Variants in ABCB1 observed in about 807,000 individuals in gnomAD.
ABCB1 encodes the protein ATP binding cassette subfamily B member 1.
Under a neutral mutation model 142.0 loss-of-function variants are expected in ABCB1, and 69 were observed. The ratio of observed to expected loss-of-function variants is 0.49; its 90% CI spans 0.40 to 0.59. ABCB1 has a LOEUF of 0.59. Among genes scored for constraint, ABCB1 ranks in the 20% least tolerant of loss-of-function variants. The probability of loss-of-function intolerance (pLI) is 0.00; values close to 1 mark genes in which losing one functional copy is unlikely to be tolerated. For synonymous variants in ABCB1, 532 were observed against 539.2 expected (o/e 0.99, Z 0.18); for missense variants, 1,326 against 1,554.7 (o/e 0.85, Z 2.47).
chr7:87,506,577 A>G (rs1814759915), intron 26 of ABCB1, among the ~76,000 whole-genome samples: 1 of 152,162 alleles, frequency 6.6e-6, no homozygotes. Flanking sequence ...TTTGATATCT[A>G]ACTTTGAAAA....
At chr7:87,700,637 C>A in intron 1 of ABCB1, 1 of 1,273,616 alleles carries the variant, frequency 7.9e-7, no homozygotes, top group Non-Finnish European at 1.1e-6. Context: ...AAGCTACTTA[C>A]TATGAATTTC....
intron 4 of ABCB1, among the ~76,000 whole-genome samples, chr7:87,570,716 G>T (rs1447006189): frequency 6.6e-6 from 1 of 151,994 alleles, no homozygotes; most frequent in East Asian, 1.9e-4. Flanking sequence ...AACATTTTTG[G>T]ATAAAAAGTA....
At chr7:87,656,800 C>G (rs990965513) in intron 1 of ABCB1, among the ~76,000 whole-genome samples, 1 of 152,126 alleles carries the variant, frequency 6.6e-6, no homozygotes. Flanking sequence ...TTATCCATCA[C>G]TAAGCTACTT....
At chr7:87,669,399 G>A (rs1256028085) in intron 1 of ABCB1, among the ~76,000 whole-genome samples, 1 of 152,154 alleles carries the variant, frequency 6.6e-6, no homozygotes, top group African/African-American at 2.4e-5. Flanking sequence ...CTTGAACACA[G>A]CATACCATTG....
At chr7:87,623,014 T>C (rs937025860) in intron 1 of ABCB1, among the ~76,000 whole-genome samples, 2 of 152,262 alleles carry the variant, frequency 1.3e-5, no homozygotes, top group Non-Finnish European at 2.9e-5. Flanking sequence ...CTGTACTCCA[T>C]CTTGGGCCAC....
intron 1 of ABCB1, among the ~76,000 whole-genome samples, chr7:87,606,328 G>C (rs1323040763): frequency 4.6e-5 from 7 of 152,032 alleles, no homozygotes; most frequent in African/African-American, 1.7e-4. Flanking sequence ...AAACAAGTAG[G>C]AGTTGAAAAT....
At chr7:87,514,185 T>G (rs775293852) in intron 25 of ABCB1, among the ~76,000 whole-genome samples, 6 of 152,248 alleles carry the variant, frequency 3.9e-5, no homozygotes, top group Non-Finnish European at 5.9e-5. Context: ...CATTAAATGC[T>G]ACCAGCGTCC....
At chr7:87,551,255 A>G (rs559129793) in intron 9 of ABCB1, among the ~76,000 whole-genome samples, 1 of 152,226 alleles carries the variant, frequency 6.6e-6, no homozygotes, top group Admixed American at 6.5e-5. Context: ...GGCCTCAAGC[A>G]ATCCTCCTGC....
chr7:87,602,200 A>T (rs1389397356), upstream of ABCB1, among the ~76,000 whole-genome samples: 1 of 150,442 alleles, frequency 6.6e-6, no homozygotes, highest in Non-Finnish European at 1.5e-5. Context: ...TCACTGTGTT[A>T]GCCAGGATGG....
At chr7:87,626,148 AT>A (rs377323348) in intron 1 of ABCB1, among the ~76,000 whole-genome samples, 159 of 120,322 alleles carry the variant, frequency 1.3e-3, no homozygotes, top group Middle Eastern at 4.3e-3. Flanking sequence ...TGTCATATAT[AT>A]TGTCATATAT....
chr7:87,621,814 G>A (rs1411717724), intron 1 of ABCB1, among the ~76,000 whole-genome samples: 1 of 152,066 alleles, frequency 6.6e-6, no homozygotes, highest in Non-Finnish European at 1.5e-5. Flanking sequence ...ATTAATGTTA[G>A]CTGTTTCTAT....
intron 25 of ABCB1, among the ~76,000 whole-genome samples, chr7:87,511,668 C>T (rs1055491590): frequency 2.4e-4 from 36 of 152,172 alleles, no homozygotes; most frequent in African/African-American, 8.7e-4. Flanking sequence ...TACAAGGTCA[C>T]ACAATTAGTA....
intron 4 of ABCB1, among the ~76,000 whole-genome samples, chr7:87,583,131 G>A (rs756853996): frequency 6.6e-5 from 10 of 152,180 alleles, no homozygotes; most frequent in Non-Finnish European, 1.2e-4. Context: ...CATTTGTGAG[G>A]AACATGAAAG....
intron 1 of ABCB1, among the ~76,000 whole-genome samples, chr7:87,648,198 A>AG (rs1173352099): frequency 2.0e-5 from 3 of 151,846 alleles, no homozygotes; most frequent in East Asian, 1.9e-4. Flanking sequence ...AAAAAAAAAA[A>AG]AAAGAAAGAA....
chr7:87,600,257 C>A, intron 1 of ABCB1, 67 bp from the exon 2 acceptor site: 1 of 1,317,256 alleles, frequency 7.6e-7, no homozygotes, highest in South Asian at 1.2e-5. Context: ...TGAGACTAAC[C>A]TCTAGTCCCC....
intron 4 of ABCB1, among the ~76,000 whole-genome samples, chr7:87,579,017 T>C (rs1818393186): frequency 6.6e-6 from 1 of 152,228 alleles, no homozygotes; most frequent in Non-Finnish European, 1.5e-5. Flanking sequence ...GATTACCTTT[T>C]CAGATTGTTT....
At chr7:87,505,656 T>C (rs1168281467) in intron 27 of ABCB1, among the ~76,000 whole-genome samples, 1 of 152,202 alleles carries the variant, frequency 6.6e-6, no homozygotes, top group Non-Finnish European at 1.5e-5. Context: ...TGAAAGCAGC[T>C]TCTTAGGTCA....
chr7:87,623,009 C>T (rs1303462229), intron 1 of ABCB1, among the ~76,000 whole-genome samples: 1 of 152,124 alleles, frequency 6.6e-6, no homozygotes, highest in African/African-American at 2.4e-5. Flanking sequence ...ACCCACTGTA[C>T]TCCATCTTGG....
intron 1 of ABCB1, among the ~76,000 whole-genome samples, chr7:87,631,536 G>T (rs1266657965): frequency 6.6e-6 from 1 of 152,024 alleles, no homozygotes; most frequent in African/African-American, 2.4e-5. Context: ...GACTACAGGC[G>T]CCCGCCACCA....
Sources: gnomAD v4.1 joint callset for allele counts (sites outside exome capture counted in the v4.1 genomes callset) on GRCh38, gnomAD v4.1.1 for gene constraint, MANE v1.5 for transcripts, NCBI Gene and HGNC (gene_info 2026-07-23, HGNC 2026-07-21) for gene names.